The following RMDN2 variants were observed in gnomAD, a reference collection of about 807,000 sequenced individuals.
RMDN2 encodes the protein regulator of microtubule dynamics protein 2.
In RMDN2, 61 loss-of-function variants were observed where a neutral mutation model predicts 52.8. The ratio of observed to expected loss-of-function variants is 1.16; its 90% CI spans 0.94 to 1.43. RMDN2 has a LOEUF of 1.43. Among genes scored for constraint, RMDN2 ranks in the 40% most tolerant of loss-of-function variants. RMDN2 has a pLI of 0.00. For synonymous variants in RMDN2, 180 were observed against 153.1 expected (o/e 1.18, Z -1.30); for missense variants, 592 against 475.3 (o/e 1.25, Z -2.28).
chr2:38,012,110 C>T (rs1678080511), intron 10 of RMDN2, among the ~76,000 whole-genome samples: 3 of 152,192 alleles, frequency 2.0e-5, no homozygotes, highest in Admixed American at 6.5e-5. Context: ...CTCCCCTCTC[C>T]TCTGCACCAC....
At position 37,990,644 on chromosome 2, in the gene RMDN2, T is replaced by A. The variant is rs140018095; in HGVS notation, c.868-576T>A. On this transcript the variant is annotated intron_variant, in intron 6 of 10. Coordinates refer to ENST00000354545, the MANE Select transcript of RMDN2 (RefSeq NM_001170791.3). ...TTGGTGGAGGAAAAGTAGGATCCAA[T>A]GTAGGATTTAAGTTTGCCATGATAG... 8.4e-3 allele frequency among the ~76,000 whole-genome samples: 1,267 copies of A among 151,422 alleles called. 13 individuals are homozygous for A. Among genetic ancestry groups the A allele is most frequent in the Non-Finnish European group, 0.013 (862 of 67,964 alleles).
At chr2:37,962,761 C>T (rs1040438489) in intron 2 of RMDN2, among the ~76,000 whole-genome samples, 16 of 152,240 alleles carry the variant, frequency 1.1e-4, no homozygotes, top group Non-Finnish European at 2.1e-4. Context: ...AAAAAAACTT[C>T]TGCAGCTACC....
chr2:38,040,210 C>T (rs1680869798), intron 10 of RMDN2, among the ~76,000 whole-genome samples: 1 of 152,024 alleles, frequency 6.6e-6, no homozygotes, highest in South Asian at 2.1e-4. Context: ...ACTTTCTTAC[C>T]TCTTCCATTG....
chr2:37,933,546 G>T (rs987577526), intron 2 of RMDN2, among the ~76,000 whole-genome samples: 4 of 152,274 alleles, frequency 2.6e-5, no homozygotes, highest in Non-Finnish European at 4.4e-5. Context: ...GAGGCTGGCG[G>T]ATCGCTCGCG....
chr2:37,996,154 A>C (rs1307910550), intron 7 of RMDN2, among the ~76,000 whole-genome samples: 1 of 152,214 alleles, frequency 6.6e-6, no homozygotes, highest in Non-Finnish European at 1.5e-5. Context: ...AAATCTTAGA[A>C]TCATACCATT....
Position 38,024,153 on chromosome 2 carries a change from CAG to C in RMDN2, c.1713+19939_1713+19940del, listed in dbSNP as rs770102512. Among the ~76,000 whole-genome samples, 111 of 152,198 alleles carry C rather than the reference CAG, an allele frequency of 7.3e-4. 1 individual carries two copies. The highest frequency in any genetic ancestry group is 1.2e-3 in the Non-Finnish European group (80 of 67,970). On this transcript the variant is annotated intron_variant, in intron 10 of 10. Coordinates refer to the RMDN2 transcript ENST00000234195. The stretch of plus-strand genomic sequence containing the variant: ...TTCATTTCTGAGTAGTATTTTATAA[CAG>C]AAATATACCATAGTTTGCTTCTCCA...
chr2:38,061,748 G>C (rs1309915698), intron 10 of RMDN2, among the ~76,000 whole-genome samples: 1 of 152,094 alleles, frequency 6.6e-6, no homozygotes, highest in Non-Finnish European at 1.5e-5. Context: ...CAGGGCCTGG[G>C]TGCCTTGTTC....
chr2:38,063,522 T>C (rs1319819653), intron 10 of RMDN2, among the ~76,000 whole-genome samples: 54 of 151,902 alleles, frequency 3.6e-4, no homozygotes, highest in Non-Finnish European at 4.7e-4. Context: ...ACACCAAAAG[T>C]AATGGCAACA....
At chr2:38,055,714 T>C (rs1179110705) in intron 10 of RMDN2, among the ~76,000 whole-genome samples, 1 of 152,188 alleles carries the variant, frequency 6.6e-6, no homozygotes, top group Non-Finnish European at 1.5e-5. Flanking sequence ...TACTTGTGTG[T>C]GTGTCTTTTA....
chr2:38,041,840 G>A (rs1389238567), intron 10 of RMDN2, among the ~76,000 whole-genome samples: 1 of 152,020 alleles, frequency 6.6e-6, no homozygotes, highest in Non-Finnish European at 1.5e-5. Flanking sequence ...TTTATACAGT[G>A]TTAGATTCAG....
At chr2:37,978,628 C>T (rs930690354) in intron 4 of RMDN2, among the ~76,000 whole-genome samples, 5 of 152,142 alleles carry the variant, frequency 3.3e-5, no homozygotes, top group Admixed American at 3.3e-4. Flanking sequence ...AAGCCCGAGA[C>T]CAGCCTGGGC....
At chr2:38,036,100 C>T (rs1257380798) in intron 10 of RMDN2, 1 of 152,006 alleles carries the variant, frequency 6.6e-6, no homozygotes, top group Non-Finnish European at 1.5e-5. Flanking sequence ...TGATGTTGCC[C>T]AACTTGAAGA....
chr2:37,990,145 A>G (rs866733164), intron 6 of RMDN2, among the ~76,000 whole-genome samples: 6 of 144,730 alleles, frequency 4.1e-5, no homozygotes, highest in Non-Finnish European at 9.0e-5. Flanking sequence ...TCCGTCTGAA[A>G]AAAAAAAAAA....
chr2:38,048,361 T>G (rs914929999), intron 10 of RMDN2, among the ~76,000 whole-genome samples: 2 of 152,226 alleles, frequency 1.3e-5, no homozygotes, highest in African/African-American at 4.8e-5. Context: ...GAAGTGGCTA[T>G]TTCTTGGGCA....
At chr2:37,998,723 A>G (rs1045537394) in intron 8 of RMDN2, among the ~76,000 whole-genome samples, 3 of 152,186 alleles carry the variant, frequency 2.0e-5, no homozygotes, top group Admixed American at 2.0e-4. Flanking sequence ...GCCCAGCAGA[A>G]AAGAGTTCAA....
chr2:38,006,965 T>C (rs147894866), intron 10 of RMDN2, among the ~76,000 whole-genome samples: 19,463 of 152,212 alleles, frequency 0.13, 1,437 homozygotes, highest in Non-Finnish European at 0.17. Flanking sequence ...GAGATAATCA[T>C]ATGTTTTTTG....
At chr2:38,066,470 A>G (rs2125312725) in intron 10 of RMDN2, among the ~76,000 whole-genome samples, 1 of 152,266 alleles carries the variant, frequency 6.6e-6, no homozygotes, top group Middle Eastern at 3.4e-3. Flanking sequence ...ACTTTCTGAG[A>G]TTTATAACTA....
At chr2:37,926,759 G>C (rs148022241) in intron 1 of RMDN2, among the ~76,000 whole-genome samples, 228 of 152,278 alleles carry the variant, frequency 1.5e-3, no homozygotes, top group African/African-American at 5.3e-3. Flanking sequence ...AACATAGGGA[G>C]ACTCACTCTC....
intron 2 of RMDN2, among the ~76,000 whole-genome samples, chr2:37,930,300 A>G (rs551019253): frequency 6.6e-6 from 1 of 152,360 alleles, no homozygotes; most frequent in South Asian, 2.1e-4. Flanking sequence ...ACTTGAGAGT[A>G]TATAGGTGAC....
Sources: gnomAD v4.1 joint callset for allele counts (sites outside exome capture counted in the v4.1 genomes callset) on GRCh38, gnomAD v4.1.1 for gene constraint, MANE v1.5 for transcripts, NCBI Gene and HGNC (gene_info 2026-07-23, HGNC 2026-07-21) for gene names.